AKT3: variants seen among roughly 807,000 people sequenced by gnomAD.
The protein encoded by AKT3 is AKT serine/threonine kinase 3, also known as RAC-gamma serine/threonine-protein kinase.
Under a neutral mutation model 65.3 loss-of-function variants are expected in AKT3, and 15 were observed. The ratio of observed to expected loss-of-function variants is 0.23; its 90% CI spans 0.15 to 0.35. The LOEUF is 0.35. AKT3 is among the 10% of genes least tolerant of loss of function. The pLI, the probability that AKT3 is intolerant of heterozygous loss-of-function variation, is 1.00. For synonymous variants in AKT3, 206 were observed against 183.8 expected, an observed-to-expected ratio of 1.12 and a Z score of -0.98; for missense variants, 243 against 576.5, an observed-to-expected ratio of 0.42 and a Z score of 5.92.
intron 6 of AKT3, among the ~76,000 whole-genome samples, chr1:243,629,491 A>C (rs955385345): frequency 1.3e-5 from 2 of 151,924 alleles, no homozygotes; most frequent in African/African-American, 4.8e-5. Context: ...TCCCCAAAAT[A>C]AGTAGATATG....
intron 12 of AKT3, among the ~76,000 whole-genome samples, chr1:243,543,213 T>C (rs531043281): frequency 6.6e-6 from 1 of 152,318 alleles, no homozygotes; most frequent in South Asian, 2.1e-4. Context: ...TCTAACCCAG[T>C]GGAGCTGAGA....
rs143190467 is a variant in AKT3 at position 243,764,255 on chromosome 1, T to C, written c.47-68539A>G. Among the ~76,000 whole-genome samples the C allele has an allele frequency of 1.5e-3, 230 of 152,240 alleles. 1 individual carries two copies. Among genetic ancestry groups the C allele is most frequent in the African/African-American group, 5.3e-3 (222 of 41,576 alleles). ...ATTTTAATTCCCTTTTAATCTGTTG[T>C]CATTTGTCATTATTAATATTCAGAA... On this transcript the variant is annotated intron_variant, in intron 2 of 13. Coordinates refer to ENST00000673466, the MANE Select transcript of AKT3 (RefSeq NM_005465.7).
At chr1:243,574,775 G>C (rs1674819993) in intron 8 of AKT3, among the ~76,000 whole-genome samples, 1 of 152,104 alleles carries the variant, frequency 6.6e-6, no homozygotes, top group South Asian at 2.1e-4. Flanking sequence ...CACTAACTTT[G>C]ATGAAAAGAT....
chr1:243,598,240 T>C (rs1391490354), intron 8 of AKT3, among the ~76,000 whole-genome samples: 2 of 152,158 alleles, frequency 1.3e-5, no homozygotes, highest in Admixed American at 6.5e-5. Context: ...TTAAGGTTTT[T>C]GAGGTAAAAT....
At chr1:243,592,141 C>T (rs1676271526) in intron 8 of AKT3, among the ~76,000 whole-genome samples, 1 of 152,024 alleles carries the variant, frequency 6.6e-6, no homozygotes, top group African/African-American at 2.4e-5. Flanking sequence ...CGAGACCATC[C>T]TGGCTAACAT....
At chr1:243,718,506 G>A (rs1230175624) in intron 2 of AKT3, among the ~76,000 whole-genome samples, 2 of 151,984 alleles carry the variant, frequency 1.3e-5, no homozygotes, top group East Asian at 3.9e-4. Flanking sequence ...CTGGAGTGCA[G>A]TGGCATGATC....
At chr1:243,656,290 C>T (rs912421579) in intron 4 of AKT3, among the ~76,000 whole-genome samples, 7 of 151,960 alleles carry the variant, frequency 4.6e-5, no homozygotes, top group African/African-American at 1.7e-4. Flanking sequence ...CTACTTCATA[C>T]AAAAATCAAT....
intron 2 of AKT3, among the ~76,000 whole-genome samples, chr1:243,772,871 G>C (rs1459340356): frequency 6.6e-6 from 1 of 152,058 alleles, no homozygotes; most frequent in African/African-American, 2.4e-5. Context: ...AAAAGGATGA[G>C]TTCATGTCCT....
chr1:243,710,892 G>C (rs1434395796), intron 2 of AKT3, among the ~76,000 whole-genome samples: 1 of 152,190 alleles, frequency 6.6e-6, no homozygotes, highest in Non-Finnish European at 1.5e-5. Context: ...TTTTTAGCTA[G>C]GTGTTCCAAA....
chr1:243,803,151 T>A (rs1490274344), intron 2 of AKT3, among the ~76,000 whole-genome samples: 3 of 152,060 alleles, frequency 2.0e-5, no homozygotes, highest in Non-Finnish European at 1.5e-5. Flanking sequence ...ATAATTTTTT[T>A]TAAAAAATTA....
intron 2 of AKT3, chr1:243,818,218 T>A (rs932620346): frequency 6.6e-6 from 1 of 152,204 alleles, no homozygotes; most frequent in Non-Finnish European, 1.5e-5. Context: ...ACACTTACTA[T>A]GTACCTGGCA....
chr1:243,547,293 A>T (rs1672745723), intron 11 of AKT3, among the ~76,000 whole-genome samples: 1 of 152,244 alleles, frequency 6.6e-6, no homozygotes, highest in South Asian at 2.1e-4. Context: ...GATAACAGTG[A>T]AACATAACAA....
intron 2 of AKT3, among the ~76,000 whole-genome samples, chr1:243,718,488 C>T (rs886590313): frequency 2.6e-5 from 4 of 152,050 alleles, no homozygotes; most frequent in South Asian, 2.1e-4. Context: ...CTCTCTCTGT[C>T]GCCAAGGCTG....
chr1:243,780,399 T>C (rs1444681695), intron 2 of AKT3, among the ~76,000 whole-genome samples: 1 of 151,982 alleles, frequency 6.6e-6, no homozygotes, highest in Non-Finnish European at 1.5e-5. Flanking sequence ...ATTATATCAA[T>C]GTTAATTTCT....
intron 3 of AKT3, among the ~76,000 whole-genome samples, chr1:243,675,980 C>A (rs181807521): frequency 7.9e-5 from 12 of 152,260 alleles, no homozygotes; most frequent in African/African-American, 2.4e-4. Flanking sequence ...AGTATATCAG[C>A]CAGTAACCTA....
chr1:243,647,159 A>G (rs904631722), intron 4 of AKT3, among the ~76,000 whole-genome samples: 1 of 152,218 alleles, frequency 6.6e-6, no homozygotes, highest in Admixed American at 6.5e-5. Context: ...GATCTTTCAC[A>G]TCTTTAACTG....
chr1:243,521,915 C>T (rs1670740609), intron 12 of AKT3, among the ~76,000 whole-genome samples: 2 of 152,186 alleles, frequency 1.3e-5, no homozygotes, highest in South Asian at 4.1e-4. Flanking sequence ...ACTTCATAAG[C>T]ACTCATCCTA....
rs543661266 is a variant in AKT3 at position 243,767,746 on chromosome 1, T to C, written c.47-72030A>G. ...AGATAAAATAAGATTGGTCATGAGT[T>C]GAAAATTTTTGAAGCTGGTGATGAT... On this transcript the variant is annotated intron_variant, in intron 2 of 13. Coordinates refer to ENST00000673466, the MANE Select transcript of AKT3 (RefSeq NM_005465.7). 1.0e-3 allele frequency among the ~76,000 whole-genome samples: 152 copies of C among 152,262 alleles called. 2 individuals carry two copies. The highest frequency in any genetic ancestry group is 3.4e-3 in the Middle Eastern group (1 of 294).
intron 4 of AKT3, among the ~76,000 whole-genome samples, chr1:243,663,355 T>G (rs1343598521): frequency 6.6e-6 from 1 of 151,720 alleles, no homozygotes; most frequent in African/African-American, 2.4e-5. Context: ...TTAGTGATTA[T>G]GGATTATGGG....
Sources: allele counts gnomAD v4.1 joint callset (sites outside exome capture counted in the v4.1 genomes callset), GRCh38; gene constraint gnomAD v4.1.1; transcripts MANE v1.5; gene names NCBI Gene and HGNC (gene_info 2026-07-23, HGNC 2026-07-21).